The following ATP11A variants were observed in gnomAD, a reference collection of about 807,000 sequenced individuals.
The protein encoded by ATP11A is phospholipid-transporting ATPase IH.
In ATP11A, 81 loss-of-function variants were observed where a neutral mutation model predicts 154.4. The ratio of observed to expected loss-of-function variants is 0.52; its 90% CI spans 0.44 to 0.63. The LOEUF is 0.63. Ranked by LOEUF, ATP11A falls within the 30% of genes least tolerant of loss-of-function variation. The pLI, the probability that ATP11A is intolerant of heterozygous loss-of-function variation, is 0.00. For missense variants in ATP11A, 1,316 were observed against 1,474.3 expected (o/e 0.89, Z 1.76); for synonymous variants, 623 against 585.9 (o/e 1.06, Z -0.91).
intron 2 of ATP11A, among the ~76,000 whole-genome samples, chr13:112,794,249 T>C (rs2140090323): frequency 6.6e-6 from 1 of 152,330 alleles, no homozygotes; most frequent in East Asian, 1.9e-4. Flanking sequence ...TACATTACAT[T>C]GTGTCCCCAG....
Position 112,690,579 on chromosome 13 carries a change from G to A in ATP11A, c.39+124G>A. The stretch of plus-strand genomic sequence containing the variant: ...GGGAGGTCTCCGATGTCTGGGACTC[G>A]GACCGCCCCCGGGGACGAGCGGGAT... On this transcript the variant is annotated intron_variant, in intron 1 of 29. Transcript: ENST00000375645. This position sits in a 1 kb window ranked among gnomAD's most constrained non-coding sequence, Gnocchi z 5.6. 3.2e-6 allele frequency: 3 copies of A among 936,374 alleles called. No individual in the cohort carries two copies. The highest frequency in any genetic ancestry group is 4.2e-6 in the Non-Finnish European group (3 of 721,120). The allele number at this position is 936,374 out of a possible 1,614,324, so 58.0% of individuals were successfully genotyped here.
rs557423125 is a variant in ATP11A at position 112,705,373 on chromosome 13, C to G, written c.39+14918C>G. 9.2e-5 allele frequency among the ~76,000 whole-genome samples: 14 copies of G among 152,328 alleles called. 1 individual carries two copies. The South Asian group carries it at 2.7e-3, about 29-fold the overall frequency. ...GGGAGGGTGTGTGATGTCCTCAGCACGCGGGGGTGCTCAGCAGTTGATGTT... is the reference window on the plus strand; with the variant it reads ...GGGAGGGTGTGTGATGTCCTCAGCAGGCGGGGGTGCTCAGCAGTTGATGTT... On this transcript the variant is annotated intron_variant, in intron 1 of 29. Transcript: ENST00000375645.
At chr13:112,783,726 A>AG (rs2077555206) in intron 1 of ATP11A, among the ~76,000 whole-genome samples, 3 of 152,364 alleles carry the variant, frequency 2.0e-5, no homozygotes, top group Admixed American at 2.0e-4. Context: ...AGGTGGGCTC[A>AG]GGGCCATGGC....
chr13:112,732,710 C>G (rs1219803593), intron 1 of ATP11A, among the ~76,000 whole-genome samples: 1 of 152,200 alleles, frequency 6.6e-6, no homozygotes, highest in Non-Finnish European at 1.5e-5. Flanking sequence ...CTCCCAGGTT[C>G]AAGCGATTCT....
Position 112,696,076 on chromosome 13 carries a change from T to G in ATP11A, c.39+5621T>G, listed in dbSNP as rs7325251. ...CGTCTCGGCTGACGGCTGCGTGGCC[T>G]TGGCAAGTTGGTTGCCCCCTGTACG... On this transcript the variant is annotated intron_variant, in intron 1 of 29. Transcript: ENST00000375645. The surrounding 1 kb of genome is among the most constrained non-coding windows in gnomAD (Gnocchi z 6.2). Among the ~76,000 whole-genome samples the G allele has an allele frequency of 8.3e-3, 1,263 of 152,324 alleles. 22 individuals carry two copies. Among genetic ancestry groups the G allele is most frequent in the African/African-American group, 0.028 (1,178 of 41,582 alleles).
chr13:112,851,777 C>A (rs1433818348), intron 18 of ATP11A: 1 of 152,290 alleles, frequency 6.6e-6, no homozygotes, highest in Non-Finnish European at 1.5e-5. Context: ...CCCACCTCAG[C>A]CTCTGAAAGT....
At chr13:112,871,352 C>T (rs1277581769) in intron 25 of ATP11A, among the ~76,000 whole-genome samples, 1 of 152,182 alleles carries the variant, frequency 6.6e-6, no homozygotes, top group African/African-American at 2.4e-5. Flanking sequence ...CCCGAGTTTG[C>T]ATTATGGATA....
intron 1 of ATP11A, among the ~76,000 whole-genome samples, chr13:112,766,221 A>C (rs7318114): frequency 0.14 from 21,130 of 150,798 alleles, 2,140 homozygotes; most frequent in African/African-American, 0.29. Flanking sequence ...AAGGTCGTCC[A>C]ACCTGCCTTA....
chr13:112,752,821 A>G (rs2076726839), intron 1 of ATP11A, among the ~76,000 whole-genome samples: 1 of 152,218 alleles, frequency 6.6e-6, no homozygotes, highest in Non-Finnish European at 1.5e-5. Context: ...TGTAGTTGTC[A>G]GTGTAGCATC....
chr13:112,756,162 A>G (rs1435397899), intron 1 of ATP11A, among the ~76,000 whole-genome samples: 1 of 151,954 alleles, frequency 6.6e-6, no homozygotes, highest in Non-Finnish European at 1.5e-5. Flanking sequence ...ATATCCTTAC[A>G]ACATTAAACT....
intron 1 of ATP11A, among the ~76,000 whole-genome samples, chr13:112,773,166 C>G (rs927749051): frequency 6.6e-6 from 1 of 152,038 alleles, no homozygotes; most frequent in Non-Finnish European, 1.5e-5. Flanking sequence ...GAGGCTGTTT[C>G]TCATCGCCTC....
chr13:112,840,314 CCCCA>C, intron 16 of ATP11A, among the ~76,000 whole-genome samples: 3 of 130,860 alleles, frequency 2.3e-5, no homozygotes, highest in Non-Finnish European at 1.7e-5. Flanking sequence ...GCCTCAGCCT[CCCCA>C]CTCTCCCGTG....
intron 1 of ATP11A, among the ~76,000 whole-genome samples, chr13:112,720,050 A>G (rs1487575297): frequency 6.6e-6 from 1 of 152,270 alleles, no homozygotes; most frequent in Non-Finnish European, 1.5e-5. Context: ...GATCAAATAC[A>G]TTAATGACCA....
At position 112,859,484 on chromosome 13, in the gene ATP11A, C is replaced by A; in HGVS notation, c.2727+32C>A. 6.3e-7 allele frequency: 1 copy of A among 1,583,880 alleles called. No homozygotes were observed. Among genetic ancestry groups the A allele is most frequent in the Non-Finnish European group, 8.7e-7 (1 of 1,152,778 alleles). On this transcript the variant is annotated intron_variant, in intron 23 of 29. Transcript: ENST00000375645. The surrounding 1 kb of genome is among the most constrained non-coding windows in gnomAD (Gnocchi z 4.3). ...CCTAGGGTCTTCAGGGACAGGCTGT[C>A]TGAGCCTTCTTTTCCTTCCCGCAGT...
At chr13:112,743,246 G>A (rs7334365) in intron 1 of ATP11A, among the ~76,000 whole-genome samples, 5,933 of 152,318 alleles carry the variant, frequency 0.039, 396 homozygotes, top group African/African-American at 0.14. Flanking sequence ...AAATATGGCT[G>A]TATTCAATAG....
intron 22 of ATP11A, 63 bp downstream of exon 22, chr13:112,858,353 C>A: frequency 6.6e-7 from 1 of 1,525,182 alleles, no homozygotes; most frequent in Non-Finnish European, 8.8e-7. Flanking sequence ...GTGGCACGAC[C>A]CTTGTCTGAG....
intron 1 of ATP11A, among the ~76,000 whole-genome samples, chr13:112,761,269 C>T (rs2076955759): frequency 6.6e-6 from 1 of 152,162 alleles, no homozygotes; most frequent in African/African-American, 2.4e-5. Context: ...CCAGAAGGTG[C>T]TCCTTTAAGT....
intron 1 of ATP11A, among the ~76,000 whole-genome samples, chr13:112,749,188 T>C (rs2076631710): frequency 6.6e-6 from 1 of 152,204 alleles, no homozygotes; most frequent in South Asian, 2.1e-4. Context: ...CTCCGCACAG[T>C]GCAGCCGGTC....
At chr13:112,777,511 C>T (rs567004819) in intron 1 of ATP11A, among the ~76,000 whole-genome samples, 1 of 152,282 alleles carries the variant, frequency 6.6e-6, no homozygotes, top group East Asian at 1.9e-4. Flanking sequence ...TTGCAGTGTG[C>T]CGAGATCACG....
Sources: gnomAD v4.1 joint callset for allele counts (sites outside exome capture counted in the v4.1 genomes callset) on GRCh38, gnomAD v4.1.1 for gene constraint, Gnocchi (gnomAD v3.1) non-coding constraint, MANE v1.5 for transcripts, NCBI Gene and HGNC (gene_info 2026-07-23, HGNC 2026-07-21) for gene names.